Variants in C9 observed in about 807,000 individuals in gnomAD.
C9 encodes the protein complement component C9.
A neutral mutation model predicts 65.4 loss-of-function variants in C9; 63 were observed. The observed-to-expected ratio is 0.96, with a 90% CI of 0.79 to 1.19. The LOEUF is 1.19. Among genes scored for constraint, C9 ranks in the 50% most tolerant of loss-of-function variants. The pLI, the probability that C9 is intolerant of heterozygous loss-of-function variation, is 0.00. For missense variants in C9, 744 were observed against 670.1 expected (o/e 1.11, Z -1.22); for synonymous variants, 229 against 227.9 (o/e 1.00, Z -0.04).
At chr5:39,348,326 A>T (rs1754248729) in intron 1 of C9, among the ~76,000 whole-genome samples, 1 of 152,214 alleles carries the variant, frequency 6.6e-6, no homozygotes, top group Non-Finnish European at 1.5e-5. Flanking sequence ...ATTTACAAGA[A>T]AAAAGCAAAC....
intron 9 of C9, among the ~76,000 whole-genome samples, chr5:39,298,889 A>C (rs1753233940): frequency 6.6e-6 from 1 of 151,896 alleles, no homozygotes; most frequent in East Asian, 1.9e-4. Flanking sequence ...AGGTTTGCTC[A>C]AAATTTAAAT....
chr5:39,315,964 G>T lies in C9; in HGVS notation c.681C>A (p.Ile227=), dbSNP rs1753562816. Reference sequence around the variant, plus strand: ...TAAAATTTGATGTCTTCTCTTGGATGATACTTTTAAATGCTTCAATTTGTT... The same window carrying T: ...TAAAATTTGATGTCTTCTCTTGGATTATACTTTTAAATGCTTCAATTTGTT... ...YEEQIEAFKS[I]IQEKTSNFNA... Residue 227 remains isoleucine, a synonymous_variant, in exon 6 of 11, where the codon ATC becomes ATA. Coordinates refer to ENST00000263408, the MANE Select transcript of C9 (RefSeq NM_001737.5). 6.2e-7 allele frequency: 1 copy of T among 1,610,010 alleles called. No homozygotes were observed. Among genetic ancestry groups the T allele is most frequent in the East Asian group, 2.2e-5 (1 of 44,778 alleles).
chr5:39,315,988 T>G lies in C9; in HGVS notation c.657A>C (p.Glu219Asp). 2 of 1,612,600 alleles carry G rather than the reference T, an allele frequency of 1.2e-6. No homozygotes were observed. Among genetic ancestry groups the G allele is most frequent in the Non-Finnish European group, 1.7e-6 (2 of 1,179,020 alleles). The change falls in exon 6 of 11, where the codon GAA (glutamate) becomes GAC (aspartate). Residue 219 changes from glutamate (E) to aspartate (D), a missense_variant. Glu to Asp is a conservative substitution (Grantham distance 45, BLOSUM62 2). Transcript: ENST00000263408. ...EKNFRTEHYEEQIEAFKSIIQ... is the reference protein window; with the variant it reads ...EKNFRTEHYEDQIEAFKSIIQ... ...TGATACTTTTAAATGCTTCAATTTGTTCTTCGTAATGTTCGGTTCTGAAAT... is the reference window on the plus strand; with the variant it reads ...TGATACTTTTAAATGCTTCAATTTGGTCTTCGTAATGTTCGGTTCTGAAAT...
At chr5:39,317,977 T>C (rs1229826611) in intron 5 of C9, among the ~76,000 whole-genome samples, 1 of 152,208 alleles carries the variant, frequency 6.6e-6, no homozygotes, top group Non-Finnish European at 1.5e-5. Context: ...TTCCTGTCTG[T>C]GAGCATGAAA....
At chr5:39,360,190 C>T (rs895427221) in intron 1 of C9, among the ~76,000 whole-genome samples, 6 of 152,238 alleles carry the variant, frequency 3.9e-5, no homozygotes, top group South Asian at 2.1e-4. Flanking sequence ...ATATGTGTCA[C>T]GAATTCTTCC....
chr5:39,317,943 T>G (rs1165726283), intron 5 of C9, among the ~76,000 whole-genome samples: 1 of 152,146 alleles, frequency 6.6e-6, no homozygotes, highest in Non-Finnish European at 1.5e-5. Context: ...TTGGGCAGTA[T>G]GGCCATTTTC....
Position 39,306,580 on chromosome 5 carries a change from A to G in C9, c.1416+37T>C, listed in dbSNP as rs754362863. ...CAATGTGACATTTAATAAAAAAATG[A>G]CACAGTCTTCTGTTTGAAAATAAAC... is the stretch of plus-strand genomic sequence containing the variant. On this transcript the variant is annotated intron_variant, in intron 9 of 10. Transcript: ENST00000263408. 5.3e-6 allele frequency: 8 copies of G among 1,498,190 alleles called. No homozygotes were observed. The Admixed American group carries it at 1.0e-4, about 19-fold the overall frequency. 92.8% of individuals were successfully genotyped at this position (1,498,190 alleles called of 1,614,324 possible).
intron 9 of C9, among the ~76,000 whole-genome samples, chr5:39,303,416 C>T (rs1579844670): frequency 6.6e-6 from 1 of 151,860 alleles, no homozygotes; most frequent in East Asian, 1.9e-4. Flanking sequence ...ACAAATGGGG[C>T]CTCAAAACCA....
At chr5:39,351,206 G>C (rs760203356) in intron 1 of C9, among the ~76,000 whole-genome samples, 42 of 152,138 alleles carry the variant, frequency 2.8e-4, no homozygotes, top group Admixed American at 2.7e-3. Context: ...ATGTCCCAAG[G>C]CTGCACAGAG....
At chr5:39,300,425 A>T (rs1753259273) in intron 9 of C9, among the ~76,000 whole-genome samples, 1 of 152,136 alleles carries the variant, frequency 6.6e-6, no homozygotes, top group African/African-American at 2.4e-5. Flanking sequence ...AACAAAAACA[A>T]AAAGAAAAGA....
At chr5:39,355,930 T>C (rs1282695829) in intron 1 of C9, among the ~76,000 whole-genome samples, 2 of 152,186 alleles carry the variant, frequency 1.3e-5, no homozygotes, top group African/African-American at 4.8e-5. Flanking sequence ...AATGACCTCA[T>C]TTTAACTTAA....
chr5:39,351,786 G>C (rs1370882655), intron 1 of C9, among the ~76,000 whole-genome samples: 1 of 152,082 alleles, frequency 6.6e-6, no homozygotes, highest in Non-Finnish European at 1.5e-5. Context: ...CAAGTCTCTA[G>C]GAAGTTCCAA....
intron 1 of C9, among the ~76,000 whole-genome samples, chr5:39,347,354 C>G (rs1754217838): frequency 6.6e-6 from 1 of 152,120 alleles, no homozygotes; most frequent in Non-Finnish European, 1.5e-5. Context: ...GTGCAAAAAT[C>G]CCAAGCATTC....
intron 5 of C9, 100 bp from the exon 6 acceptor site, chr5:39,316,129 G>T: frequency 9.8e-7 from 1 of 1,020,664 alleles, no homozygotes. Flanking sequence ...TCTTTGAAAG[G>T]CAGTAGAACA....
chr5:39,292,459 G>A (rs922855320), intron 9 of C9, among the ~76,000 whole-genome samples: 1 of 151,198 alleles, frequency 6.6e-6, no homozygotes, highest in Admixed American at 6.6e-5. Context: ...TTTGATACTA[G>A]CTAATGCACA....
Position 39,284,484 on chromosome 5 carries a change from A to C in C9, c.*715T>G, listed in dbSNP as rs1284040333. 6.6e-6 allele frequency: 1 copy of C among 152,226 alleles called. No homozygotes were observed. The highest frequency in any genetic ancestry group is 1.9e-4 in the East Asian group (1 of 5,202). The allele number at this position is 152,226 out of a possible 1,614,324, so 9.4% of individuals were successfully genotyped here. ...AATATGATCAAATAGAAGGAATTTC[A>C]CATAATTTAAACTAATAGTTTATGT... On this transcript the variant is annotated 3_prime_UTR_variant, in exon 11 of 11. Coordinates refer to ENST00000263408, the MANE Select transcript of C9 (RefSeq NM_001737.5).
chr5:39,343,254 G>C (rs1754124356), intron 1 of C9, among the ~76,000 whole-genome samples: 1 of 152,186 alleles, frequency 6.6e-6, no homozygotes, highest in South Asian at 2.1e-4. Flanking sequence ...GAAGTGCAAG[G>C]GGTCAGGGAA....
At chr5:39,335,114 C>T (rs528060778) in intron 4 of C9, among the ~76,000 whole-genome samples, 5 of 152,226 alleles carry the variant, frequency 3.3e-5, no homozygotes, top group African/African-American at 1.2e-4. Context: ...TAAACAAGAT[C>T]TCAGCTACAT....
At position 39,305,084 on chromosome 5, in the gene C9, AC is replaced by A. The variant is rs567351960; in HGVS notation, c.1416+1532del. 3.0e-3 allele frequency among the ~76,000 whole-genome samples: 456 copies of A among 152,142 alleles called. 2 individuals are homozygous for A. Among genetic ancestry groups the A allele is most frequent in the Non-Finnish European group, 4.1e-3 (278 of 67,974 alleles). On this transcript the variant is annotated intron_variant, in intron 9 of 10. Coordinates refer to ENST00000263408, the MANE Select transcript of C9 (RefSeq NM_001737.5). Reference sequence around the variant, plus strand: ...CTCGATGTAAATATTCACCTAAATCACCCATTTTTTTTCTTATTTAAGATCT... The same window carrying A: ...CTCGATGTAAATATTCACCTAAATCACCATTTTTTTTCTTATTTAAGATCT...
Sources: gnomAD v4.1 joint callset for allele counts (sites outside exome capture counted in the v4.1 genomes callset) on GRCh38, gnomAD v4.1.1 for gene constraint, MANE v1.5 for transcripts, NCBI Gene and HGNC (gene_info 2026-07-23, HGNC 2026-07-21) for gene names.